Variants in MGAT4C observed in about 807,000 individuals in gnomAD.
MGAT4C encodes alpha-1,3-mannosyl-glycoprotein 4-beta-N-acetylglucosaminyltransferase C.
In MGAT4C, 19 loss-of-function variants were observed where a neutral mutation model predicts 40.1. The observed-to-expected ratio is 0.47, with a 90% confidence interval of 0.33 to 0.70. The LOEUF is 0.70. MGAT4C is among the 30% of genes least tolerant of loss of function. The pLI is 0.02. For missense variants in MGAT4C, 491 were observed against 563.2 expected, an observed-to-expected ratio of 0.87 and a Z score of 1.30; for synonymous variants, 181 against 187.1, an observed-to-expected ratio of 0.97 and a Z score of 0.27.
chr12:86,503,940 C>A (rs201825187), intron 2 of MGAT4C, among the ~76,000 whole-genome samples: 1 of 150,326 alleles, frequency 6.7e-6, no homozygotes, highest in East Asian at 2.0e-4. Flanking sequence ...AAACAACTTA[C>A]GTTTAAAACC....
At chr12:86,738,023 G>C (rs1951012671) in intron 1 of MGAT4C, among the ~76,000 whole-genome samples, 1 of 151,500 alleles carries the variant, frequency 6.6e-6, no homozygotes, top group African/African-American at 2.4e-5. Context: ...GGCTTTAATT[G>C]ATCACTGTTT....
At chr12:86,138,734 T>G (rs1185225376) in intron 1 of MGAT4C, among the ~76,000 whole-genome samples, 1 of 150,992 alleles carries the variant, frequency 6.6e-6, no homozygotes. Context: ...ATCTCTATAT[T>G]AGGTACTCAC....
chr12:86,377,614 CT>C (rs1955854555), intron 3 of MGAT4C, among the ~76,000 whole-genome samples: 3 of 152,102 alleles, frequency 2.0e-5, no homozygotes, highest in Non-Finnish European at 4.4e-5. Context: ...TATACTTAGA[CT>C]TTTTCATCCC....
At chr12:86,197,182 A>G (rs1363003652) in intron 1 of MGAT4C, among the ~76,000 whole-genome samples, 2 of 152,196 alleles carry the variant, frequency 1.3e-5, no homozygotes, top group Non-Finnish European at 2.9e-5. Flanking sequence ...CCAATTTCCA[A>G]TAACATATTT....
At chr12:86,135,891 T>C (rs1881874979) in intron 1 of MGAT4C, among the ~76,000 whole-genome samples, 1 of 152,186 alleles carries the variant, frequency 6.6e-6, no homozygotes, top group South Asian at 2.1e-4. Context: ...TGGATACAAG[T>C]TAACTACTGA....
intron 2 of MGAT4C, among the ~76,000 whole-genome samples, chr12:86,040,736 AAC>A (rs1386149851): frequency 8.4e-6 from 1 of 119,324 alleles, no homozygotes; most frequent in African/African-American, 3.3e-5. Context: ...CAAACAAACA[AAC>A]AAAAAAAAAA....
At chr12:85,996,537 T>C (rs957127700) in intron 2 of MGAT4C, among the ~76,000 whole-genome samples, 4 of 152,260 alleles carry the variant, frequency 2.6e-5, no homozygotes, top group East Asian at 1.9e-4. Context: ...ACAACTGATA[T>C]AGCTATCTAC....
rs569592010 is a variant in MGAT4C at position 86,002,356 on chromosome 12, C to T, written c.-6-12804G>A. On this transcript the variant is annotated intron_variant, in intron 2 of 4. Coordinates refer to ENST00000611864, the MANE Select transcript of MGAT4C (RefSeq NM_001351288.2). ...TGTGGTCACAGCCTCCATAACATTG[C>T]ATGTATGGGCAAAAGAAAATCTTAA... The T allele has an allele frequency of 1.1e-4, 16 of 152,240 alleles. No individual in the cohort carries two copies. The South Asian group carries it at 3.3e-3, about 32-fold the overall frequency. The allele number at this position is 152,240 out of a possible 1,614,324, so 9.4% of individuals were successfully genotyped here. A position where few individuals can be genotyped will look rare whatever the true frequency, so the allele number is the denominator to read the frequency against.
chr12:86,452,770 T>C (rs1320042919), intron 2 of MGAT4C, among the ~76,000 whole-genome samples: 1 of 152,106 alleles, frequency 6.6e-6, no homozygotes, highest in African/African-American at 2.4e-5. Flanking sequence ...GCTTAGTAAC[T>C]TTGACTCCAG....
intron 2 of MGAT4C, among the ~76,000 whole-genome samples, chr12:86,619,262 CT>C (rs1245211300): frequency 6.6e-6 from 1 of 152,000 alleles, no homozygotes; most frequent in Non-Finnish European, 1.5e-5. Context: ...TATAACTAAA[CT>C]AAATTTTCCC....
intron 3 of MGAT4C, among the ~76,000 whole-genome samples, chr12:86,384,798 G>A (rs1956020686): frequency 6.6e-6 from 1 of 152,184 alleles, no homozygotes; most frequent in African/African-American, 2.4e-5. Flanking sequence ...CTCACACTCT[G>A]TGTAAGTTCG....
At chr12:86,477,010 T>C (rs569374511) in intron 2 of MGAT4C, among the ~76,000 whole-genome samples, 9 of 152,120 alleles carry the variant, frequency 5.9e-5, no homozygotes. Context: ...GAACCATCCA[T>C]ATCACAAACC....
rs540373190 is a variant in MGAT4C, at chr12:86,540,118, A to T, written c.-228-104853T>A. ...GCCCATGCCTATGTCCTGAATGGTA[A>T]TGCCTAGGTTTTCTTCTAGGGTTTT... On this transcript the variant is annotated intron_variant, in intron 2 of 7. Transcript: ENST00000548651. Among the ~76,000 whole-genome samples the T allele has an allele frequency of 3.3e-3, 501 of 152,242 alleles. 1 individual carries two copies. Among genetic ancestry groups the T allele is most frequent in the African/African-American group, 0.012 (484 of 41,546 alleles).
At chr12:86,675,240 C>T (rs183344419) in intron 2 of MGAT4C, among the ~76,000 whole-genome samples, 42 of 152,226 alleles carry the variant, frequency 2.8e-4, no homozygotes, top group African/African-American at 9.6e-4. Context: ...CCCATGGAAA[C>T]ATTTATTTTA....
At chr12:86,267,923 CA>C (rs1300133485) in intron 4 of MGAT4C, among the ~76,000 whole-genome samples, 1 of 151,958 alleles carries the variant, frequency 6.6e-6, no homozygotes, top group Non-Finnish European at 1.5e-5. Context: ...TTTTTCTTAC[CA>C]AAATATGACT....
intron 2 of MGAT4C, among the ~76,000 whole-genome samples, chr12:86,044,389 G>A (rs996124555): frequency 3.9e-5 from 6 of 152,182 alleles, no homozygotes; most frequent in Non-Finnish European, 4.4e-5. Context: ...TGGGTTACAT[G>A]TTCATTGGTC....
intron 1 of MGAT4C, among the ~76,000 whole-genome samples, chr12:86,186,490 T>C (rs965877203): frequency 2.0e-5 from 3 of 152,170 alleles, no homozygotes; most frequent in Non-Finnish European, 4.4e-5. Context: ...CTTTACATAC[T>C]AATTGAAGAA....
intron 1 of MGAT4C, among the ~76,000 whole-genome samples, chr12:86,825,898 T>A (rs901259012): frequency 6.6e-6 from 1 of 151,314 alleles, no homozygotes; most frequent in Admixed American, 6.6e-5. Flanking sequence ...GTCTTGGAGA[T>A]TTAAAAAGGA....
chr12:86,793,636 A>G (rs1207578018), intron 1 of MGAT4C, among the ~76,000 whole-genome samples: 1 of 152,012 alleles, frequency 6.6e-6, no homozygotes, highest in East Asian at 1.9e-4. Flanking sequence ...GATTACACAT[A>G]TATGTACCTG....
Sources: allele counts gnomAD v4.1 joint callset (sites outside exome capture counted in the v4.1 genomes callset), GRCh38; gene constraint gnomAD v4.1.1; transcripts MANE v1.5; gene names NCBI Gene and HGNC (gene_info 2026-07-23, HGNC 2026-07-21).